RPAP1: variants seen among roughly 807,000 people sequenced by gnomAD.
RPAP1 encodes RNA polymerase II associated protein 1, also known as RNA polymerase II-associated protein 1.
Under a neutral mutation model 142.4 loss-of-function variants are expected in RPAP1, and 109 were observed. The ratio of observed to expected loss-of-function variants is 0.77; its 90% confidence interval spans 0.66 to 0.90. The LOEUF (loss-of-function observed/expected upper bound fraction) is 0.90. Ranked by LOEUF, RPAP1 falls within the 40% of genes least tolerant of loss-of-function variation. The pLI is 0.00. For synonymous variants in RPAP1, 704 were observed against 738.9 expected (o/e 0.95, Z 0.77); for missense variants, 1,546 against 1,751.7 (o/e 0.88, Z 2.10).
In RPAP1 at chr15:41,518,280, G is replaced by A. The variant is rs2140753435; in HGVS notation, c.3796-98C>T. ...GATCACATGAAACCAAATCATGAGG[G>A]CAGAGATCAGGTCCTAGACAAACAT... On this transcript the variant is annotated intron_variant, in intron 22 of 24. Coordinates refer to ENST00000304330, the MANE Select transcript of RPAP1 (RefSeq NM_015540.4). The A allele has an allele frequency of 9.9e-6, 10 of 1,014,280 alleles. No homozygotes were observed. In the South Asian group the frequency reaches 1.9e-4, roughly 19 times the overall value. The allele number at this position is 1,014,280 out of a possible 1,614,324, so 62.8% of individuals were successfully genotyped here.
intron 5 of RPAP1, 45 bp from the exon 6 acceptor site, chr15:41,534,980 C>T (rs1036996883): frequency 6.3e-7 from 1 of 1,580,768 alleles, no homozygotes; most frequent in Non-Finnish European, 8.7e-7. Flanking sequence ...TCCTCCAGGG[C>T]TCTAACTGGG....
chr15:41,536,459 G>C, intron 3 of RPAP1, 42 bp downstream of exon 3: 1 of 1,607,928 alleles, frequency 6.2e-7, no homozygotes, highest in Non-Finnish European at 8.5e-7. Flanking sequence ...TATCCCTGTT[G>C]CCCTAGAACA....
Position 41,531,006 on chromosome 15 carries a change from C to A in RPAP1, c.943+17G>T. 1 of 1,603,070 alleles carries A rather than the reference C, an allele frequency of 6.2e-7. No individual in the cohort carries two copies. On this transcript the variant is annotated intron_variant, in intron 7 of 24. Coordinates refer to ENST00000304330, the MANE Select transcript of RPAP1 (RefSeq NM_015540.4). ...CTACTTTTATCCACCAAAATATGAC[C>A]CCCGCCTCCTGCAAACCTGGGGCTT...
intron 22 of RPAP1, 76 bp downstream of exon 22, chr15:41,520,315 G>T: frequency 6.6e-7 from 1 of 1,521,562 alleles, no homozygotes; most frequent in Non-Finnish European, 9.0e-7. Context: ...GTCTTCCAAA[G>T]CTCCTCAAGG....
chr15:41,543,814 TAA>T (rs895939421), intron 1 of RPAP1: 1 of 152,178 alleles, frequency 6.6e-6, no homozygotes, highest in African/African-American at 2.4e-5. Context: ...CCTGTAATCC[TAA>T]AGAGTAATGC....
Position 41,520,766 on chromosome 15 carries a change from C to T in RPAP1, c.3420G>A (p.Glu1140=). ...CCCAGAGAGCCTGGGGGCGCCAGCT[C>T]TCCAAAACTAGCACCCACTGCAGGA... ...MRVLQWVLVL[E]SWRPQALWAV... is the part of the protein sequence containing the mutation. Residue 1140 remains glutamate, a synonymous_variant, in exon 22 of 25, where the codon GAG becomes GAA. Coordinates refer to ENST00000304330, the MANE Select transcript of RPAP1 (RefSeq NM_015540.4). 1 of 1,613,772 alleles carries T rather than the reference C, an allele frequency of 6.2e-7. No individual in the cohort carries two copies. Among genetic ancestry groups the T allele is most frequent in the Non-Finnish European group, 8.5e-7 (1 of 1,179,984 alleles).
chr15:41,535,602 T>C lies in RPAP1; in HGVS notation c.451A>G (p.Ile151Val), dbSNP rs780192086. The change falls in exon 5 of 25, where the codon ATC becomes GTC. Residue 151 changes from isoleucine to valine, a missense_variant. Ile to Val is a conservative substitution (Grantham distance 29). Around this residue, in one of 3 missense-constraint regions of RPAP1, gnomAD observed 1,333 missense variants for 1,486.6 expected, o/e 0.90. Transcript: ENST00000304330. Reference protein sequence around the residue: ...GKSATSGKRSIFAQEIAARRI... With the variant: ...GKSATSGKRSVFAQEIAARRI... ...CTTGCCGCAATTTCCTGGGCAAAGA[T>C]GCTTCTCTTACCAGATGTTGCTGAT... The C allele has an allele frequency of 2.1e-5, 34 of 1,614,076 alleles. No homozygotes were observed. The South Asian group carries it at 3.5e-4, about 17-fold the overall frequency.
chr15:41,536,146 G>A lies in RPAP1; in HGVS notation c.403C>T (p.Arg135Cys), dbSNP rs966194170. The stretch of plus-strand genomic sequence containing the variant: ...TTGCCTACCTGTGTGTCCCGCGAGC[G>A]AAGGAACACAGCAGGGAAAGCAACA... Reference protein sequence around the residue: ...SGVAFPAVFLRSRDTQGKSAT... With the variant: ...SGVAFPAVFLCSRDTQGKSAT... The change falls in exon 4 of 25, where the codon CGC (arginine) becomes TGC (cysteine). Residue 135 changes from arginine to cysteine, a missense_variant. By Grantham distance (180) the Arg-to-Cys change is radical. Around this residue, in one of 3 missense-constraint regions of RPAP1, gnomAD observed 1,333 missense variants for 1,486.6 expected, o/e 0.90. Transcript: ENST00000304330. 7 of 1,613,830 alleles carry A rather than the reference G, an allele frequency of 4.3e-6. No homozygotes were observed. Among genetic ancestry groups the A allele is most frequent in the East Asian group, 2.2e-5 (1 of 44,884 alleles).
chr15:41,523,409 C>A (rs988282624), intron 17 of RPAP1, 55 bp from the exon 18 acceptor site: 2 of 1,169,864 alleles, frequency 1.7e-6, no homozygotes, highest in African/African-American at 1.5e-5. Flanking sequence ...TTCTCCTAGA[C>A]CCTGTGTACC....
rs76337444 is a variant in RPAP1, at chr15:41,518,963, C to T, written c.3796-781G>A. On this transcript the variant is annotated intron_variant, in intron 22 of 24. Transcript: ENST00000304330. ...GGAATGCAGTGGTGTGATCATAGCT[C>T]ACTGGCAGCCTCAACCTCCTGAGCT... Among the ~76,000 whole-genome samples the T allele has an allele frequency of 2.4e-3, 364 of 152,310 alleles. 1 individual carries two copies. The highest frequency in any genetic ancestry group is 8.0e-3 in the African/African-American group (334 of 41,558).
At chr15:41,529,398 C>T (rs1401376261) in intron 9 of RPAP1, 72 bp downstream of exon 9, 1 of 978,268 alleles carries the variant, frequency 1.0e-6, no homozygotes, top group African/African-American at 1.6e-5. Context: ...AGGTCAAAGG[C>T]AGTTGACCAG....
intron 1 of RPAP1, among the ~76,000 whole-genome samples, chr15:41,543,641 T>C (rs1297848452): frequency 6.6e-6 from 1 of 152,216 alleles, no homozygotes; most frequent in Non-Finnish European, 1.5e-5. Context: ...GTTACTTATA[T>C]AAATAAACCT....
chr15:41,540,304 A>ATTT (rs67194473), intron 1 of RPAP1, among the ~76,000 whole-genome samples: 58 of 144,878 alleles, frequency 4.0e-4, no homozygotes, highest in African/African-American at 1.1e-3. Context: ...GGTTACTACT[A>ATTT]TTTTTTTTTT....
intron 9 of RPAP1, 27 bp from the exon 10 acceptor site, chr15:41,528,363 C>G: frequency 6.6e-7 from 1 of 1,517,696 alleles, no homozygotes. Context: ...AAGTCAGAAG[C>G]AGCCAGGATA....
chr15:41,522,366 T>A, intron 19 of RPAP1, 116 bp from the exon 20 acceptor site: 1 of 974,198 alleles, frequency 1.0e-6, no homozygotes, highest in Non-Finnish European at 1.5e-6. Context: ...AAGGCCTCCC[T>A]TCCCCATGGG....
chr15:41,536,298 T>A, intron 3 of RPAP1, 80 bp from the exon 4 acceptor site: 1 of 1,428,380 alleles, frequency 7.0e-7, no homozygotes, highest in Non-Finnish European at 9.8e-7. Flanking sequence ...AGCCCAGTTC[T>A]GAACGATGAG....
At position 41,522,200 on chromosome 15, in the gene RPAP1, A is replaced by C. The variant is rs2051732809; in HGVS notation, c.2793T>G (p.Cys931Trp). The C allele has an allele frequency of 6.2e-7, 1 of 1,614,000 alleles. No individual in the cohort carries two copies. The highest frequency in any genetic ancestry group is 1.3e-5 in the African/African-American group (1 of 74,946). The stretch of plus-strand genomic sequence containing the variant: ...GGTGTGGGGCAGCCCCAGGAGCCAC[A>C]CACTGGAGGAAGTAATTCTGGAGTC... ...APGLQNYFLQ[C>W]VAPGAAPHLT... The change falls in exon 20 of 25, where the codon TGT becomes TGG. Residue 931 changes from cysteine to tryptophan, a missense_variant. Around this residue, in one of 3 missense-constraint regions of RPAP1, gnomAD observed 1,333 missense variants for 1,486.6 expected, o/e 0.90. Transcript: ENST00000304330.
Position 41,517,873 on chromosome 15 carries a change from G to T in RPAP1, c.3973-16C>A, listed in dbSNP as rs981358088. The T allele has an allele frequency of 6.2e-7, 1 of 1,614,152 alleles. No homozygotes were observed. The highest frequency in any genetic ancestry group is 8.5e-7 in the Non-Finnish European group (1 of 1,180,034). Reference sequence around the variant, plus strand: ...TGACCTCATCCTAGAAGCAGAACAGGGAGAGGTGGCACTGAGCCGAGGGCT... The same window carrying T: ...TGACCTCATCCTAGAAGCAGAACAGTGAGAGGTGGCACTGAGCCGAGGGCT... On this transcript the variant is annotated splice_polypyrimidine_tract_variant and intron_variant, in intron 23 of 24. Transcript: ENST00000304330.
In RPAP1 at chr15:41,539,866, C is replaced by T. The variant is rs574681711; in HGVS notation, c.-76-2665G>A. Among the ~76,000 whole-genome samples, 3 of 151,966 alleles carry T rather than the reference C, an allele frequency of 2.0e-5. No homozygotes were observed. The East Asian group carries it at 5.9e-4, about 30-fold the overall frequency. On this transcript the variant is annotated intron_variant, in intron 1 of 24. Coordinates refer to ENST00000304330, the MANE Select transcript of RPAP1 (RefSeq NM_015540.4). ...CCTGACCAACATGGTGAAGTCTCTA[C>T]TAAAAATACAAAAAAAATTAGCCGG...
Sources: allele counts gnomAD v4.1 joint callset (sites outside exome capture counted in the v4.1 genomes callset), GRCh38; gene constraint gnomAD v4.1.1; regional missense constraint gnomAD v4.1.1; transcripts MANE v1.5; gene names NCBI Gene and HGNC (gene_info 2026-07-23, HGNC 2026-07-21).